The following EPG5 variants were observed in gnomAD, a reference collection of about 807,000 sequenced individuals.
EPG5 encodes ectopic P granules protein 5 homolog.
A neutral mutation model predicts 302.7 loss-of-function variants in EPG5; 159 were observed. The observed-to-expected ratio is 0.53, with a 90% confidence interval of 0.46 to 0.60. The LOEUF is 0.60. Among genes scored for constraint, EPG5 ranks in the 20% least tolerant of loss-of-function variants. The probability of loss-of-function intolerance (pLI) is 0.00; values close to 1 mark genes in which losing one functional copy is unlikely to be tolerated. For missense variants in EPG5, 2,896 were observed against 3,092.4 expected (o/e 0.94, Z 1.51); for synonymous variants, 1,158 against 1,136.8 (o/e 1.02, Z -0.37).
intron 13 of EPG5, 38 bp downstream of exon 13, chr18:45,928,831 T>C (rs200344063): frequency 1.7e-4 from 278 of 1,594,506 alleles, no homozygotes; most frequent in Non-Finnish European, 3.9e-5. Flanking sequence ...TACTCCAAGA[T>C]TTGAAAAAAC....
At chr18:45,834,736 A>G in the EPG5 span, among the ~76,000 whole-genome samples, 1 of 152,226 alleles carries the variant, frequency 6.6e-6, no homozygotes, top group Non-Finnish European at 1.5e-5. Flanking sequence ...AAAGTGGGGA[A>G]GTGTCCAATA....
intron 1 of EPG5, 96 bp downstream of exon 1, chr18:45,967,081 A>C: frequency 6.5e-6 from 8 of 1,229,402 alleles, no homozygotes; most frequent in Non-Finnish European, 6.8e-6. Flanking sequence ...CAGAGGGCTC[A>C]GGGAACGGGA....
chr18:45,954,297 A>AG, intron 2 of EPG5, 97 bp downstream of exon 2: 1 of 1,109,986 alleles, frequency 9.0e-7, no homozygotes, highest in South Asian at 1.5e-5. Context: ...AGGCTGAGGC[A>AG]GGGTCAGAGT....
chr18:45,825,624 C>T, the EPG5 span: 2 of 1,271,322 alleles, frequency 1.6e-6, no homozygotes, highest in Non-Finnish European at 2.2e-6. Flanking sequence ...TCTGAGTGCC[C>T]TGCCCACCCC....
chr18:45,880,232 A>C lies in EPG5; in HGVS notation c.5519-9T>G. 1.9e-6 allele frequency: 3 copies of C among 1,574,622 alleles called. No individual in the cohort carries two copies. Among genetic ancestry groups the C allele is most frequent in the Non-Finnish European group, 2.6e-6 (3 of 1,159,878 alleles). ...AAGCTGCTCCGCGGAGCCTGCCAGC[A>C]GGGACAGGAAGAGCAAGTCAGTGGC... On this transcript the variant is annotated splice_polypyrimidine_tract_variant and intron_variant, in intron 31 of 43. Transcript: ENST00000282041.
At chr18:45,818,646 T>C in the EPG5 span, among the ~76,000 whole-genome samples, 4 of 152,134 alleles carry the variant, frequency 2.6e-5, no homozygotes, top group Non-Finnish European at 4.4e-5. Flanking sequence ...CAAAAGAAAC[T>C]AGTCCTTATC....
chr18:45,902,455 T>C (rs2049641550), intron 25 of EPG5, among the ~76,000 whole-genome samples: 1 of 152,114 alleles, frequency 6.6e-6, no homozygotes, highest in Non-Finnish European at 1.5e-5. Context: ...CAATATAAGT[T>C]ACCATAAAAG....
chr18:45,807,959 A>G, the EPG5 span, among the ~76,000 whole-genome samples: 29 of 152,326 alleles, frequency 1.9e-4, no homozygotes, highest in East Asian at 5.2e-3. Context: ...GCAAAGCCCA[A>G]CGTAAGGAAA....
At chr18:45,941,570 A>G (rs1441666597) in intron 9 of EPG5, among the ~76,000 whole-genome samples, 2 of 152,018 alleles carry the variant, frequency 1.3e-5, no homozygotes, top group African/African-American at 2.4e-5. Context: ...AAAAACAAAG[A>G]AAGAATAATC....
the EPG5 span, among the ~76,000 whole-genome samples, chr18:45,826,478 G>A: frequency 0.016 from 2,495 of 152,260 alleles, 34 homozygotes; most frequent in Admixed American, 0.021. Context: ...GTATCAGGCA[G>A]CAAGTCCTAG....
intron 42 of EPG5, among the ~76,000 whole-genome samples, chr18:45,856,181 T>C (rs889903242): frequency 6.6e-6 from 1 of 152,074 alleles, no homozygotes; most frequent in African/African-American, 2.4e-5. Flanking sequence ...ATAAACAAAA[T>C]GTGGAATACA....
Position 45,889,833 on chromosome 18 carries a change from A to C in EPG5, c.4917T>G (p.Ile1639Met). ...AEAAKPPSLN[I>M]VEAAVHAENL... Reference sequence around the variant, plus strand: ...TTTCTGCATGTACAGCAGCTTCCACAATATTAAGTGATGGTGGTTTAGCAG... The same window carrying C: ...TTTCTGCATGTACAGCAGCTTCCACCATATTAAGTGATGGTGGTTTAGCAG... Residue 1639 changes from isoleucine to methionine, a missense_variant, in exon 28 of 44, where the codon ATT (isoleucine) becomes ATG (methionine). This residue lies in a region of EPG5 where 790 missense variants were observed against 798.0 expected (regional missense o/e 0.99). Transcript: ENST00000282041. 6.2e-7 allele frequency: 1 copy of C among 1,610,408 alleles called. No homozygotes were observed. The highest frequency in any genetic ancestry group is 8.5e-7 in the Non-Finnish European group (1 of 1,178,664).
intron 16 of EPG5, among the ~76,000 whole-genome samples, chr18:45,918,757 C>A (rs566761640): frequency 4.6e-5 from 7 of 152,018 alleles, no homozygotes; most frequent in Non-Finnish European, 8.8e-5. Context: ...TATAAAGATA[C>A]TAGGGAATAA....
Position 45,913,832 on chromosome 18 carries a change from T to C in EPG5, c.3694-4A>G, listed in dbSNP as rs752369112. On this transcript the variant is annotated splice_region_variant and splice_polypyrimidine_tract_variant and intron_variant, in intron 20 of 43. Coordinates refer to ENST00000282041, the MANE Select transcript of EPG5 (RefSeq NM_020964.3). ...GCACTGTCCAGGCAAACCAGACCTA[T>C]AATGACACCAGATAAAGGGGAGGGG... 14 of 1,613,414 alleles carry C rather than the reference T, an allele frequency of 8.7e-6. No individual in the cohort carries two copies. Among genetic ancestry groups the C allele is most frequent in the Non-Finnish European group, 1.1e-5 (13 of 1,179,790 alleles).
chr18:45,850,876 A>G lies in EPG5; in HGVS notation c.*1591T>C, dbSNP rs1187569600. Reference sequence around the variant, plus strand: ...TCCACAGCTTCTCAAATTTTCTTATACAGAGAACAAGATGATTAATTTTGA... The same window carrying G: ...TCCACAGCTTCTCAAATTTTCTTATGCAGAGAACAAGATGATTAATTTTGA... On this transcript the variant is annotated 3_prime_UTR_variant, in exon 44 of 44. Transcript: ENST00000282041. 6.6e-6 allele frequency: 1 copy of G among 152,664 alleles called. No homozygotes were observed. Among genetic ancestry groups the G allele is most frequent in the Non-Finnish European group, 1.5e-5 (1 of 68,042 alleles). The allele number at this position is 152,664 out of a possible 1,614,324, so 9.5% of individuals were successfully genotyped here. A position where few individuals can be genotyped will look rare whatever the true frequency, so the allele number is the denominator to read the frequency against.
the EPG5 span, among the ~76,000 whole-genome samples, chr18:45,822,135 T>C: frequency 4.7e-4 from 71 of 152,258 alleles, no homozygotes; most frequent in South Asian, 1.5e-3. Flanking sequence ...AGACCCAAGA[T>C]ATAGAATCAA....
chr18:45,845,666 G>T (rs1054514180), downstream of EPG5, among the ~76,000 whole-genome samples: 7 of 152,194 alleles, frequency 4.6e-5, no homozygotes, highest in African/African-American at 9.7e-5. Context: ...CAGAAGACTC[G>T]GTGTTTTCAA....
At chr18:45,949,320 A>G (rs2050852909) in intron 5 of EPG5, among the ~76,000 whole-genome samples, 164 bp downstream of exon 5, 1 of 152,210 alleles carries the variant, frequency 6.6e-6, no homozygotes, top group African/African-American at 2.4e-5. Context: ...AACAAGTTTC[A>G]GTCTAAGAAC....
chr18:45,825,701 T>G, the EPG5 span: 1 of 1,612,508 alleles, frequency 6.2e-7, no homozygotes, highest in South Asian at 1.1e-5. Context: ...AGAGCGGGTC[T>G]GGCCTGGGGT....
Sources: allele counts gnomAD v4.1 joint callset (sites outside exome capture counted in the v4.1 genomes callset), GRCh38; gene constraint gnomAD v4.1.1; regional missense constraint gnomAD v4.1.1; transcripts MANE v1.5; gene names NCBI Gene and HGNC (gene_info 2026-07-23, HGNC 2026-07-21).